Variants in WDR72 observed in about 807,000 individuals in gnomAD.
WDR72 encodes WD repeat domain 72.
Under a neutral mutation model 124.2 loss-of-function variants are expected in WDR72, and 120 were observed. That is an observed-to-expected ratio of 0.97 (90% confidence interval 0.83 to 1.12). The LOEUF is 1.12. WDR72 is among the 50% of genes most tolerant of loss of function. The pLI is 0.00. For missense variants in WDR72, 1,387 were observed against 1,278.8 expected (o/e 1.08, Z -1.29); for synonymous variants, 452 against 441.7 (o/e 1.02, Z -0.29).
At chr15:53,559,983 G>A (rs138169650) in intron 18 of WDR72, among the ~76,000 whole-genome samples, 1 of 152,080 alleles carries the variant, frequency 6.6e-6, no homozygotes, top group African/African-American at 2.4e-5. Flanking sequence ...TTAGTCACAA[G>A]CATTACAAGT....
At chr15:53,706,476 C>T (rs1250096355) in intron 9 of WDR72, among the ~76,000 whole-genome samples, 1 of 149,024 alleles carries the variant, frequency 6.7e-6, no homozygotes, top group Non-Finnish European at 1.5e-5. Flanking sequence ...AAAATTGGTA[C>T]TATCATTGTT....
At chr15:53,734,927 A>T (rs767145944) in intron 1 of WDR72, among the ~76,000 whole-genome samples, 1 of 152,076 alleles carries the variant, frequency 6.6e-6, no homozygotes, top group South Asian at 2.1e-4. Context: ...TTCCAGGTCA[A>T]TGATACTATT....
intron 11 of WDR72, among the ~76,000 whole-genome samples, chr15:53,703,431 G>T (rs2017245565): frequency 6.6e-6 from 1 of 151,140 alleles, no homozygotes; most frequent in African/African-American, 2.4e-5. Context: ...AAATTAATCT[G>T]CCTTTTCTCC....
intron 14 of WDR72, among the ~76,000 whole-genome samples, chr15:53,631,261 C>A (rs11070995): frequency 0.25 from 37,390 of 152,012 alleles, 4,995 homozygotes; most frequent in East Asian, 0.46. Flanking sequence ...CCTTCTCCAG[C>A]CACATGTAAA....
chr15:53,557,996 C>G (rs1893991969), intron 18 of WDR72, among the ~76,000 whole-genome samples: 1 of 151,866 alleles, frequency 6.6e-6, no homozygotes, highest in Non-Finnish European at 1.5e-5. Context: ...TAGAGGTGAC[C>G]TCTTCCCTCG....
chr15:53,714,892 T>C (rs1214957566), intron 5 of WDR72, among the ~76,000 whole-genome samples: 3 of 152,186 alleles, frequency 2.0e-5, no homozygotes, highest in Non-Finnish European at 4.4e-5. Flanking sequence ...GGAGTCCTGC[T>C]AATCCACAAC....
At chr15:53,750,223 T>C (rs1595888900) in intron 1 of WDR72, among the ~76,000 whole-genome samples, 1 of 152,158 alleles carries the variant, frequency 6.6e-6, no homozygotes, top group Admixed American at 6.5e-5. Flanking sequence ...ATGCAGCTGG[T>C]GACTTTAAGT....
intron 19 of WDR72, among the ~76,000 whole-genome samples, chr15:53,518,303 A>C (rs570651661): frequency 1.3e-5 from 2 of 152,200 alleles, no homozygotes; most frequent in African/African-American, 4.8e-5. Context: ...TAATTGGAAC[A>C]TTGTTCCTTA....
At chr15:53,648,768 T>C (rs1429424678) in intron 14 of WDR72, among the ~76,000 whole-genome samples, 1 of 151,924 alleles carries the variant, frequency 6.6e-6, no homozygotes, top group Non-Finnish European at 1.5e-5. Flanking sequence ...AAAAAAAGTA[T>C]ATAAAATTTA....
intron 2 of WDR72, among the ~76,000 whole-genome samples, chr15:53,723,335 T>C (rs2017931546): frequency 6.6e-6 from 1 of 152,166 alleles, no homozygotes; most frequent in South Asian, 2.1e-4. Context: ...ATACCCTATA[T>C]GGTGATAGGA....
intron 13 of WDR72, among the ~76,000 whole-genome samples, chr15:53,676,924 CT>C (rs544909977): frequency 4.6e-3 from 617 of 135,516 alleles, no homozygotes; most frequent in South Asian, 0.011. Context: ...GAAATTCTTG[CT>C]TTTTTTTTTT....
chr15:53,609,368 GT>G, intron 17 of WDR72, 144 bp downstream of exon 17: 2 of 723,928 alleles, frequency 2.8e-6, no homozygotes, highest in Admixed American at 4.1e-5. Flanking sequence ...TATGGTCCGT[GT>G]TTTCCCTCAT....
chr15:53,724,076 A>G (rs944754193), intron 2 of WDR72, among the ~76,000 whole-genome samples: 1 of 152,202 alleles, frequency 6.6e-6, no homozygotes, highest in Admixed American at 6.5e-5. Flanking sequence ...GACAAATACT[A>G]TATGATCTCA....
chr15:53,681,606 G>A (rs116450684), intron 13 of WDR72, among the ~76,000 whole-genome samples: 1,738 of 152,170 alleles, frequency 0.011, 36 homozygotes, highest in African/African-American at 0.039. Flanking sequence ...AACTGCCAAA[G>A]GAAACAATAA....
chr15:53,711,950 GT>G (rs2140548614), intron 7 of WDR72, among the ~76,000 whole-genome samples: 1 of 152,252 alleles, frequency 6.6e-6, no homozygotes, highest in Admixed American at 6.5e-5. Flanking sequence ...AAAAATAAAT[GT>G]TATGAAATGA....
At chr15:53,651,819 T>A (rs2015253051) in intron 14 of WDR72, among the ~76,000 whole-genome samples, 2 of 151,932 alleles carry the variant, frequency 1.3e-5, no homozygotes, top group South Asian at 4.2e-4. Flanking sequence ...TGCCGGCTAA[T>A]TTTTTGTATT....
intron 14 of WDR72, among the ~76,000 whole-genome samples, chr15:53,654,279 C>T (rs1421130471): frequency 1.3e-5 from 2 of 152,090 alleles, no homozygotes; most frequent in Admixed American, 6.5e-5. Context: ...ACGAGACTTT[C>T]GTAGATTATA....
chr15:53,697,930 TC>T (rs1375310557), intron 13 of WDR72, among the ~76,000 whole-genome samples: 3 of 152,114 alleles, frequency 2.0e-5, no homozygotes, highest in African/African-American at 7.2e-5. Context: ...TGCCTCAGCC[TC>T]CCGAGTAGCT....
chr15:53,568,409 C>T (rs1253703675), intron 18 of WDR72, among the ~76,000 whole-genome samples: 3 of 151,816 alleles, frequency 2.0e-5, no homozygotes, highest in East Asian at 1.9e-4. Context: ...TTGTGACAGA[C>T]GCTATTTGAA....
Sources: gnomAD v4.1 joint callset for allele counts (sites outside exome capture counted in the v4.1 genomes callset) on GRCh38, gnomAD v4.1.1 for gene constraint, MANE v1.5 for transcripts, NCBI Gene and HGNC (gene_info 2026-07-23, HGNC 2026-07-21) for gene names.